The following ATE1 variants were observed in gnomAD, a reference collection of about 807,000 sequenced individuals.
The protein encoded by ATE1 is arginyl-tRNA--protein transferase 1.
A neutral mutation model predicts 70.5 loss-of-function variants in ATE1; 36 were observed. The ratio of observed to expected loss-of-function variants is 0.51; its 90% CI spans 0.39 to 0.67. The LOEUF (loss-of-function observed/expected upper bound fraction) is 0.67. Among genes scored for constraint, ATE1 ranks in the 30% least tolerant of loss-of-function variants. ATE1 has a pLI of 0.00. For missense variants in ATE1, 593 were observed against 629.5 expected (o/e 0.94, Z 0.62); for synonymous variants, 232 against 219.3 (o/e 1.06, Z -0.51).
At chr10:121,896,892 G>A (rs983385136) in intron 7 of ATE1, among the ~76,000 whole-genome samples, 1 of 147,078 alleles carries the variant, frequency 6.8e-6, no homozygotes, top group East Asian at 2.0e-4. Flanking sequence ...TCTATGTTCT[G>A]GCCATACTAA....
chr10:121,919,196 T>G (rs559556444), intron 3 of ATE1, among the ~76,000 whole-genome samples: 10 of 152,216 alleles, frequency 6.6e-5, no homozygotes, highest in African/African-American at 1.9e-4. Context: ...TGCTCATTCT[T>G]TGGGTCTGCG....
At chr10:121,763,734 C>A (rs1455610653) in intron 11 of ATE1, among the ~76,000 whole-genome samples, 1 of 152,166 alleles carries the variant, frequency 6.6e-6, no homozygotes, top group East Asian at 1.9e-4. Context: ...ACATACCCAG[C>A]CGGGCGCAGT....
At chr10:121,751,731 T>TAC (rs922771025) in intron 11 of ATE1, among the ~76,000 whole-genome samples, 2 of 152,216 alleles carry the variant, frequency 1.3e-5, no homozygotes, top group African/African-American at 4.8e-5. Context: ...TATTTGGAAA[T>TAC]ACACTCTCTC....
chr10:121,927,413 A>G, intron 1 of ATE1: 29 of 984,110 alleles, frequency 2.9e-5, no homozygotes, highest in Non-Finnish European at 3.4e-5. Context: ...AGTCTGATTC[A>G]TACATGACCG....
At chr10:121,862,311 C>T (rs1949501456) in intron 8 of ATE1, among the ~76,000 whole-genome samples, 1 of 151,934 alleles carries the variant, frequency 6.6e-6, no homozygotes, top group Non-Finnish European at 1.5e-5. Flanking sequence ...TTGGAGAGAC[C>T]TTGATATCTA....
intron 7 of ATE1, among the ~76,000 whole-genome samples, chr10:121,888,878 T>C (rs1231736018): frequency 6.6e-6 from 1 of 152,070 alleles, no homozygotes; most frequent in Non-Finnish European, 1.5e-5. Flanking sequence ...GAAACCACAC[T>C]CAAAAGAGTA....
chr10:121,809,593 T>TAA (rs1947237038), intron 10 of ATE1, among the ~76,000 whole-genome samples: 2 of 152,214 alleles, frequency 1.3e-5, no homozygotes, highest in African/African-American at 4.8e-5. Context: ...TGATTCGTGC[T>TAA]AAGACGCTAG....
intron 11 of ATE1, among the ~76,000 whole-genome samples, chr10:121,754,991 C>T (rs1215661239): frequency 1.3e-5 from 2 of 152,140 alleles, no homozygotes; most frequent in Non-Finnish European, 2.9e-5. Flanking sequence ...TACAAAGTGA[C>T]TGGACTCTTC....
chr10:121,824,049 T>C (rs1427808651), intron 10 of ATE1, among the ~76,000 whole-genome samples: 1 of 152,130 alleles, frequency 6.6e-6, no homozygotes, highest in Non-Finnish European at 1.5e-5. Context: ...GTGGCAAAAT[T>C]CCCCACATGT....
At chr10:121,875,462 G>A (rs11200205) in intron 7 of ATE1, among the ~76,000 whole-genome samples, 61,694 of 151,300 alleles carry the variant, frequency 0.41, 12,738 homozygotes, top group African/African-American at 0.46. Flanking sequence ...CCACCACCAC[G>A]CCTGGCTAAT....
At chr10:121,903,615 A>G (rs535734388) in intron 5 of ATE1, among the ~76,000 whole-genome samples, 1 of 152,206 alleles carries the variant, frequency 6.6e-6, no homozygotes, top group East Asian at 1.9e-4. Context: ...TGAACCCAGG[A>G]GGCAGAGGTT....
chr10:121,924,259 G>C lies in ATE1; in HGVS notation c.170+7C>G, dbSNP rs766543470. On this transcript the variant is annotated splice_region_variant and intron_variant, in intron 2 of 11. Transcript: ENST00000224652. ...GTAGGAAGTCTCTTTGTATCTGGAAGCTTTACCTTCGCCATCCTCGGTCTA... is the reference window on the plus strand; with the variant it reads ...GTAGGAAGTCTCTTTGTATCTGGAACCTTTACCTTCGCCATCCTCGGTCTA... 6.2e-7 allele frequency: 1 copy of C among 1,612,826 alleles called. No individual in the cohort carries two copies. The highest frequency in any genetic ancestry group is 1.1e-5 in the South Asian group (1 of 91,052).
chr10:121,919,745 A>G (rs1464630713), intron 3 of ATE1, among the ~76,000 whole-genome samples: 2 of 152,088 alleles, frequency 1.3e-5, no homozygotes, highest in Non-Finnish European at 2.9e-5. Flanking sequence ...TAAAAACACA[A>G]AAATTAACCA....
At chr10:121,772,532 CA>C (rs1156725104) in intron 11 of ATE1, among the ~76,000 whole-genome samples, 1 of 152,264 alleles carries the variant, frequency 6.6e-6, no homozygotes, top group East Asian at 1.9e-4. Context: ...AAAAACACCC[CA>C]GACTTATTCG....
chr10:121,876,809 A>G (rs1401251535), intron 7 of ATE1, among the ~76,000 whole-genome samples: 1 of 152,098 alleles, frequency 6.6e-6, no homozygotes, highest in Non-Finnish European at 1.5e-5. Flanking sequence ...TACTAAAAAT[A>G]CAAAAAATTA....
intron 5 of ATE1, among the ~76,000 whole-genome samples, chr10:121,903,753 T>C (rs1188736001): frequency 6.6e-6 from 1 of 152,134 alleles, no homozygotes; most frequent in Non-Finnish European, 1.5e-5. Flanking sequence ...ACTGCAGGTA[T>C]TTGGGTCTCA....
intron 11 of ATE1, among the ~76,000 whole-genome samples, chr10:121,745,513 G>A (rs552530425): frequency 1.1e-4 from 17 of 151,686 alleles, no homozygotes; most frequent in Admixed American, 8.5e-4. Flanking sequence ...TCAGGAGATC[G>A]ACACCATTCT....
chr10:121,823,650 C>A (rs184148254), intron 10 of ATE1, among the ~76,000 whole-genome samples: 2 of 152,292 alleles, frequency 1.3e-5, no homozygotes, highest in Admixed American at 1.3e-4. Context: ...TTAGCATTTT[C>A]TAGAAAGCTC....
intron 10 of ATE1, among the ~76,000 whole-genome samples, chr10:121,823,018 T>C (rs1481580679): frequency 6.6e-6 from 1 of 152,002 alleles, no homozygotes; most frequent in Non-Finnish European, 1.5e-5. Context: ...CGGCCAGGCA[T>C]GGTGGCTCAT....
Sources: allele counts gnomAD v4.1 joint callset (sites outside exome capture counted in the v4.1 genomes callset), GRCh38; gene constraint gnomAD v4.1.1; transcripts MANE v1.5; gene names NCBI Gene and HGNC (gene_info 2026-07-23, HGNC 2026-07-21).